LOC400499: variants seen among roughly 807,000 people sequenced by gnomAD.
chr16:11,475,380 T>G, the LOC400499 span, among the ~76,000 whole-genome samples: 3 of 152,198 alleles, frequency 2.0e-5, no homozygotes, highest in African/African-American at 7.2e-5. Flanking sequence ...CAGAATCATC[T>G]CTGAAAAAAG....
chr16:11,383,520 C>T, the LOC400499 span: 4 of 1,091,696 alleles, frequency 3.7e-6, no homozygotes, highest in East Asian at 6.4e-5. Flanking sequence ...AATGTTGTGA[C>T]TCTTAGCTCC....
the LOC400499 span, among the ~76,000 whole-genome samples, chr16:11,437,437 T>C: frequency 2.0e-5 from 3 of 152,212 alleles, no homozygotes; most frequent in Admixed American, 2.0e-4. Flanking sequence ...CATGCACCTG[T>C]AGTCCCAGCT....
the LOC400499 span, chr16:11,399,179 C>G: frequency 2.0e-6 from 2 of 982,976 alleles, no homozygotes; most frequent in African/African-American, 3.5e-5. Context: ...CTCCCGATCT[C>G]CCTCCGCCCC....
chr16:11,385,475 G>A, the LOC400499 span: 8 of 1,146,538 alleles, frequency 7.0e-6, no homozygotes, highest in Admixed American at 4.2e-5. Context: ...ACCGCAGTAG[G>A]AGCCCAATGC....
chr16:11,509,439 G>T, the LOC400499 span, among the ~76,000 whole-genome samples: 1 of 151,448 alleles, frequency 6.6e-6, no homozygotes, highest in Non-Finnish European at 1.5e-5. Context: ...TCCTTTAACA[G>T]AAACAAGTCA....
At chr16:11,519,308 G>C in the LOC400499 span, among the ~76,000 whole-genome samples, 1 of 152,234 alleles carries the variant, frequency 6.6e-6, no homozygotes, top group Admixed American at 6.5e-5. Context: ...CTTTGCCCAT[G>C]ATGAGGACTT....
At chr16:11,397,777 G>GGAT in the LOC400499 span, among the ~76,000 whole-genome samples, 4 of 96,602 alleles carry the variant, frequency 4.1e-5, no homozygotes, top group African/African-American at 1.1e-4. Flanking sequence ...GAGGGATGGA[G>GGAT]GGAGGGAGGG....
chr16:11,378,278 G>T, the LOC400499 span, among the ~76,000 whole-genome samples: 8 of 149,070 alleles, frequency 5.4e-5, 1 homozygote, highest in Admixed American at 1.3e-4. Flanking sequence ...CCGGGGGGAG[G>T]GGGGAGGTGG....
chr16:11,515,890 A>ACCCCCCCCCCCCCCCCCCCC, the LOC400499 span: 1 of 16,804 alleles, frequency 6.0e-5, no homozygotes, highest in Non-Finnish European at 1.6e-4. Context: ...AGCCCAGCCC[A>ACCCCCCCCCCCCCCCCCCCC]GCCTAGCCCA....
the LOC400499 span, chr16:11,485,179 G>C: frequency 2.5e-6 from 1 of 397,684 alleles, no homozygotes; most frequent in Non-Finnish European, 4.4e-6. Flanking sequence ...GCTTGAGCAC[G>C]GCACTCCAGG....
the LOC400499 span, among the ~76,000 whole-genome samples, chr16:11,410,785 G>C: frequency 6.6e-6 from 1 of 152,220 alleles, no homozygotes; most frequent in African/African-American, 2.4e-5. Context: ...CTCCGGATCT[G>C]GGCACAGACA....
the LOC400499 span, among the ~76,000 whole-genome samples, chr16:11,412,080 G>C: frequency 6.6e-6 from 1 of 152,024 alleles, no homozygotes; most frequent in Non-Finnish European, 1.5e-5. Flanking sequence ...GCCCAGGTTG[G>C]CCTCGAGCTT....
the LOC400499 span, among the ~76,000 whole-genome samples, chr16:11,463,719 G>T: frequency 6.6e-6 from 1 of 152,120 alleles, no homozygotes; most frequent in African/African-American, 2.4e-5. Context: ...GGATGTGTGT[G>T]TGGATATATG....
the LOC400499 span, chr16:11,450,869 C>A: frequency 6.7e-7 from 1 of 1,489,418 alleles, no homozygotes; most frequent in African/African-American, 1.4e-5. Context: ...AGAGAGGAAG[C>A]TTCTAGCAGG....
the LOC400499 span, chr16:11,460,178 G>T: frequency 1.1e-6 from 1 of 870,134 alleles, no homozygotes; most frequent in Non-Finnish European, 1.6e-6. Context: ...TCTGTAGAAA[G>T]CACTATTTTT....
chr16:11,413,458 G>A, the LOC400499 span, among the ~76,000 whole-genome samples: 130 of 152,264 alleles, frequency 8.5e-4, 1 homozygote, highest in African/African-American at 3.0e-3. Flanking sequence ...CCTGGCTCTA[G>A]AATAGGCTCT....
chr16:11,403,482 T>G, the LOC400499 span, among the ~76,000 whole-genome samples: 1 of 150,908 alleles, frequency 6.6e-6, no homozygotes, highest in Non-Finnish European at 1.5e-5. Context: ...TGAGCACACA[T>G]ACACTCATGA....
chr16:11,437,516 G>A, the LOC400499 span, among the ~76,000 whole-genome samples: 1 of 152,188 alleles, frequency 6.6e-6, no homozygotes, highest in Non-Finnish European at 1.5e-5. Flanking sequence ...CCATAATCAT[G>A]CCACTGCTCT....
the LOC400499 span, among the ~76,000 whole-genome samples, chr16:11,489,999 G>A: frequency 7.9e-3 from 1,200 of 152,268 alleles, 19 homozygotes; most frequent in African/African-American, 0.027. Flanking sequence ...CGGGTAAAAT[G>A]GGTTATAGTA....
Sources: allele counts gnomAD v4.1 joint callset (sites outside exome capture counted in the v4.1 genomes callset), GRCh38; gene constraint gnomAD v4.1.1; transcripts MANE v1.5.